ADAMTSL3: variants seen among roughly 807,000 people sequenced by gnomAD.
The protein encoded by ADAMTSL3 is ADAMTS like 3, also known as ADAMTS-like protein 3.
ADAMTSL3 carries 128 observed loss-of-function variants against 201.7 expected under a neutral mutation model. The ratio of observed to expected loss-of-function variants is 0.63; its 90% CI spans 0.55 to 0.73. The LOEUF is 0.73. Ranked by LOEUF, ADAMTSL3 falls within the 30% of genes least tolerant of loss-of-function variation. ADAMTSL3 has a pLI of 0.00. For missense variants in ADAMTSL3, 1,990 were observed against 2,119.6 expected (o/e 0.94, Z 1.20); for synonymous variants, 738 against 748.4 (o/e 0.99, Z 0.23).
At chr15:83,667,222 C>T (rs567205915) in intron 2 of ADAMTSL3, among the ~76,000 whole-genome samples, 44 of 152,012 alleles carry the variant, frequency 2.9e-4, no homozygotes, top group Non-Finnish European at 5.4e-4. Context: ...TTAATCTTTC[C>T]GTCTTTTCTT....
chr15:83,832,163 C>T (rs1380256013), intron 6 of ADAMTSL3, among the ~76,000 whole-genome samples: 2 of 152,066 alleles, frequency 1.3e-5, no homozygotes, highest in Non-Finnish European at 2.9e-5. Flanking sequence ...AAATATAAAG[C>T]AAAGGCATCT....
chr15:83,948,070 A>G (rs2066688370), intron 19 of ADAMTSL3, among the ~76,000 whole-genome samples: 1 of 152,198 alleles, frequency 6.6e-6, no homozygotes, highest in Admixed American at 6.5e-5. Context: ...TAATATGCTA[A>G]GTAAAAAGGA....
At chr15:83,888,905 TA>T (rs2065451575) in intron 10 of ADAMTSL3, among the ~76,000 whole-genome samples, 1 of 152,226 alleles carries the variant, frequency 6.6e-6, no homozygotes, top group Non-Finnish European at 1.5e-5. Context: ...ATCAGGACTT[TA>T]AATGTATTTT....
At chr15:83,933,622 A>G (rs1438167547) in intron 17 of ADAMTSL3, among the ~76,000 whole-genome samples, 1 of 152,370 alleles carries the variant, frequency 6.6e-6, no homozygotes, top group Non-Finnish European at 1.5e-5. Flanking sequence ...CCAAATGTTA[A>G]TTGCCAAGAC....
At position 83,679,529 on chromosome 15, in the gene ADAMTSL3, C is replaced by T. The variant is rs918776983; in HGVS notation, c.69+23699C>T. Among the ~76,000 whole-genome samples the T allele has an allele frequency of 5.3e-5, 8 of 151,858 alleles. No homozygotes were observed. The East Asian group carries it at 5.8e-4, about 11-fold the overall frequency. On this transcript the variant is annotated intron_variant, in intron 2 of 29. Transcript: ENST00000286744. ...TAGTGTGTAGGTCCCTGCCTCCTTT[C>T]GTAGGCCATAATTATAAGAGTTTAA...
Position 83,965,321 on chromosome 15 carries a change from G to A in ADAMTSL3, c.2491-5163G>A, listed in dbSNP as rs551139925. On this transcript the variant is annotated intron_variant, in intron 19 of 29. Coordinates refer to ENST00000286744, the MANE Select transcript of ADAMTSL3 (RefSeq NM_207517.3). The stretch of plus-strand genomic sequence containing the variant: ...CACATAAGCTCAAAATAAAGGGATG[G>A]AGGAATATTTACCAAGCAAATGGAA... 2.6e-3 allele frequency among the ~76,000 whole-genome samples: 366 copies of A among 141,924 alleles called. 2 individuals are homozygous for A. The highest frequency in any genetic ancestry group is 9.1e-3 in the African/African-American group (349 of 38,280). The allele number at this position is 141,924 out of a possible 152,430, so 93.1% of individuals were successfully genotyped here. A position where few individuals can be genotyped will look rare whatever the true frequency, so the allele number is the denominator to read the frequency against.
intron 19 of ADAMTSL3, among the ~76,000 whole-genome samples, chr15:83,952,362 T>C (rs966267008): frequency 6.6e-6 from 1 of 152,206 alleles, no homozygotes; most frequent in Non-Finnish European, 1.5e-5. Context: ...AAGACTTCTG[T>C]AGGGCTGAAC....
chr15:83,899,625 G>A, intron 14 of ADAMTSL3, 22 bp from the exon 15 acceptor site: 1 of 1,603,876 alleles, frequency 6.2e-7, no homozygotes. Context: ...TAGGCTCATT[G>A]TTTATGTTCT....
chr15:83,776,020 A>G (rs2063067544), intron 4 of ADAMTSL3, among the ~76,000 whole-genome samples: 1 of 152,232 alleles, frequency 6.6e-6, no homozygotes, highest in South Asian at 2.1e-4. Flanking sequence ...CCAGGGAGCC[A>G]GTGCTGCAAC....
At position 83,849,575 on chromosome 15, in the gene ADAMTSL3, C is replaced by A. The variant is rs908136052; in HGVS notation, c.728-9191C>A. 3.3e-5 allele frequency among the ~76,000 whole-genome samples: 5 copies of A among 152,316 alleles called. No individual in the cohort carries two copies. The South Asian group carries it at 8.3e-4, about 25-fold the overall frequency. The stretch of plus-strand genomic sequence containing the variant: ...AGTCTATACTGAGCTTGTGCTGAAC[C>A]ACAAGCAGCAGTCTGCTCTTTCTTA... On this transcript the variant is annotated intron_variant, in intron 7 of 29. Transcript: ENST00000286744.
At chr15:83,793,558 C>T (rs2063377214) in intron 4 of ADAMTSL3, among the ~76,000 whole-genome samples, 1 of 151,980 alleles carries the variant, frequency 6.6e-6, no homozygotes, top group African/African-American at 2.4e-5. Flanking sequence ...CTCACTGCAG[C>T]CTCCGCCTCC....
At chr15:83,759,570 T>C (rs1463764290) in intron 3 of ADAMTSL3, among the ~76,000 whole-genome samples, 1 of 152,170 alleles carries the variant, frequency 6.6e-6, no homozygotes, top group Non-Finnish European at 1.5e-5. Flanking sequence ...CATAGTTTAA[T>C]AAGTTTCTTG....
At chr15:83,722,665 A>G (rs941622284) in intron 3 of ADAMTSL3, among the ~76,000 whole-genome samples, 3 of 152,200 alleles carry the variant, frequency 2.0e-5, no homozygotes, top group Non-Finnish European at 4.4e-5. Flanking sequence ...GAAAAATATA[A>G]TTACACATTA....
Position 84,028,515 on chromosome 15 carries a change from T to A in ADAMTSL3, c.4657-2820T>A, listed in dbSNP as rs906728804. Among the ~76,000 whole-genome samples, 4 of 152,226 alleles carry A rather than the reference T, an allele frequency of 2.6e-5. No homozygotes were observed. The East Asian group carries it at 7.7e-4, about 29-fold the overall frequency. ...TTTTAAGAACTGAATGTCAAAATTT[T>A]AAAATTTTTTTCCTGTAATTGAACC... is the stretch of plus-strand genomic sequence containing the variant. On this transcript the variant is annotated intron_variant, in intron 27 of 29. Coordinates refer to ENST00000286744, the MANE Select transcript of ADAMTSL3 (RefSeq NM_207517.3).
At chr15:83,732,629 T>C (rs901043535) in intron 3 of ADAMTSL3, among the ~76,000 whole-genome samples, 36 of 152,260 alleles carry the variant, frequency 2.4e-4, no homozygotes, top group African/African-American at 8.4e-4. Flanking sequence ...AGAAACTATA[T>C]AAACAATATT....
chr15:84,033,372 C>T (rs2068443348), intron 28 of ADAMTSL3, among the ~76,000 whole-genome samples: 1 of 152,170 alleles, frequency 6.6e-6, no homozygotes, highest in Admixed American at 6.6e-5. Flanking sequence ...TAAAATACCA[C>T]ATGCTTGGCT....
intron 19 of ADAMTSL3, among the ~76,000 whole-genome samples, chr15:83,948,861 T>G (rs1368713715): frequency 6.6e-6 from 1 of 152,104 alleles, no homozygotes; most frequent in African/African-American, 2.4e-5. Context: ...CTTTTTGAAT[T>G]TTTTTATTTT....
At chr15:83,771,872 T>TC (rs2062989810) in intron 3 of ADAMTSL3, among the ~76,000 whole-genome samples, 2 of 151,952 alleles carry the variant, frequency 1.3e-5, no homozygotes, top group East Asian at 1.9e-4. Flanking sequence ...CTTTTTTTTT[T>TC]CTGAGACAGA....
chr15:83,788,209 A>G (rs1161809688), intron 4 of ADAMTSL3, among the ~76,000 whole-genome samples: 1 of 152,140 alleles, frequency 6.6e-6, no homozygotes, highest in Non-Finnish European at 1.5e-5. Flanking sequence ...TCACTTTTCT[A>G]ATTTTCATTC....
Sources: gnomAD v4.1 joint callset for allele counts (sites outside exome capture counted in the v4.1 genomes callset) on GRCh38, gnomAD v4.1.1 for gene constraint, MANE v1.5 for transcripts, NCBI Gene and HGNC (gene_info 2026-07-23, HGNC 2026-07-21) for gene names.